The following GSDMC variants were observed in gnomAD, a reference collection of about 807,000 sequenced individuals.
GSDMC encodes the protein gasdermin-C.
A neutral mutation model predicts 58.0 loss-of-function variants in GSDMC; 59 were observed. The observed-to-expected ratio is 1.02, with a 90% CI of 0.82 to 1.26. GSDMC has a LOEUF of 1.26. Ranked by LOEUF, GSDMC falls within the 50% of genes most tolerant of loss-of-function variation. The probability of loss-of-function intolerance (pLI) is 0.00; values close to 1 mark genes in which losing one functional copy is unlikely to be tolerated. For missense variants in GSDMC, 659 were observed against 598.5 expected (o/e 1.10, Z -1.06); for synonymous variants, 241 against 220.2 (o/e 1.09, Z -0.83).
intron 3 of GSDMC, 94 bp downstream of exon 3, chr8:129,776,008 C>A (rs1318133048): frequency 1.0e-6 from 1 of 966,596 alleles, no homozygotes; most frequent in African/African-American, 1.6e-5. Flanking sequence ...GATTTTCATC[C>A]CTACAACAAG....
the GSDMC span, chr8:129,728,613 C>T: frequency 0.32 from 67,042 of 212,496 alleles, 15,043 homozygotes; most frequent in African/African-American, 0.66. Context: ...ATGCATTCCA[C>T]GAATCAGTTC....
At chr8:129,734,819 C>A in the GSDMC span, among the ~76,000 whole-genome samples, 5 of 152,078 alleles carry the variant, frequency 3.3e-5, no homozygotes, top group African/African-American at 1.2e-4. Flanking sequence ...AAAATATTAA[C>A]CTTAAATGTA....
intron 1 of GSDMC, among the ~76,000 whole-genome samples, chr8:129,782,914 C>A (rs934100099): frequency 6.6e-6 from 1 of 150,492 alleles, no homozygotes; most frequent in African/African-American, 2.4e-5. Flanking sequence ...AAAAAAAAAA[C>A]TACAAGCCAA....
the GSDMC span, among the ~76,000 whole-genome samples, chr8:129,720,344 T>C: frequency 6.6e-6 from 1 of 152,212 alleles, no homozygotes; most frequent in Non-Finnish European, 1.5e-5. Flanking sequence ...AATTTGAGTA[T>C]GTACAATGTC....
chr8:129,741,129 C>G, the GSDMC span, among the ~76,000 whole-genome samples: 1 of 152,028 alleles, frequency 6.6e-6, no homozygotes, highest in African/African-American at 2.4e-5. Context: ...ATTCTTGGCA[C>G]TTTTGTTGAA....
At position 129,785,825 on chromosome 8, in the gene GSDMC, G is replaced by A. The variant is rs546565682; in HGVS notation, c.-5+186C>T. On this transcript the variant is annotated intron_variant, in intron 1 of 13. Coordinates refer to ENST00000276708, the MANE Select transcript of GSDMC (RefSeq NM_031415.3). The stretch of plus-strand genomic sequence containing the variant: ...TGGACCTGTGCAATAATGTATCGAA[G>A]ATATATTCCTTAGCCTTACATGCTA... Among the ~76,000 whole-genome samples the A allele has an allele frequency of 2.9e-4, 44 of 151,896 alleles. No individual in the cohort carries two copies. The East Asian group carries it at 8.3e-3, about 29-fold the overall frequency.
chr8:129,777,478 A>G lies in GSDMC; in HGVS notation c.110T>C (p.Val37Ala). The G allele has an allele frequency of 1.2e-6, 2 of 1,613,012 alleles. No individual in the cohort carries two copies. The highest frequency in any genetic ancestry group is 1.7e-6 in the Non-Finnish European group (2 of 1,178,976). Residue 37 changes from valine (V) to alanine (A), a missense_variant, in exon 2 of 14, where the codon GTT becomes GCT. Coordinates refer to ENST00000276708, the MANE Select transcript of GSDMC (RefSeq NM_031415.3). The part of the protein sequence containing the change: ...LLSATKLRQF[V>A]ILRKKKDSRS... ...AGAATCCTTCTTCTTTCGTAATATA[A>G]CAAACTGACGTAATTTGGTGGCACT...
the GSDMC span, among the ~76,000 whole-genome samples, chr8:129,740,700 C>T: frequency 2.0e-5 from 3 of 152,142 alleles, no homozygotes; most frequent in African/African-American, 7.2e-5. Context: ...GTAGCTCCAT[C>T]ATTAAGCAAC....
At chr8:129,765,519 C>A (rs985872972) in intron 4 of GSDMC, 109 bp downstream of exon 4, 5 of 801,992 alleles carry the variant, frequency 6.2e-6, no homozygotes, top group Non-Finnish European at 1.1e-5. Flanking sequence ...GACTCCATCC[C>A]TTGTAATCCC....
chr8:129,738,198 A>C, the GSDMC span, among the ~76,000 whole-genome samples: 1 of 152,238 alleles, frequency 6.6e-6, no homozygotes, highest in Non-Finnish European at 1.5e-5. Context: ...GAGAAATAGG[A>C]ACACTTTTAC....
the GSDMC span, among the ~76,000 whole-genome samples, chr8:129,732,112 T>G: frequency 6.6e-6 from 1 of 152,100 alleles, no homozygotes; most frequent in African/African-American, 2.4e-5. Context: ...CAAGGGGTTC[T>G]CTCTCAGGAC....
the GSDMC span, among the ~76,000 whole-genome samples, chr8:129,738,165 C>T: frequency 3.9e-5 from 6 of 152,156 alleles, no homozygotes; most frequent in African/African-American, 1.4e-4. Flanking sequence ...AGTCAGGAAA[C>T]AATAGATGCT....
chr8:129,743,712 C>A (rs775539975), downstream of GSDMC, among the ~76,000 whole-genome samples: 1 of 152,178 alleles, frequency 6.6e-6, no homozygotes, highest in Non-Finnish European at 1.5e-5. Flanking sequence ...TAGCTGGCAA[C>A]TAGTTATATG....
downstream of GSDMC, among the ~76,000 whole-genome samples, chr8:129,747,855 T>C (rs1440598594): frequency 6.6e-6 from 1 of 151,906 alleles, no homozygotes; most frequent in Admixed American, 6.6e-5. Context: ...GGAGGCGAGG[T>C]GGCATTAGCA....
At chr8:129,767,957 C>T (rs2033923444) in intron 3 of GSDMC, among the ~76,000 whole-genome samples, 1 of 152,072 alleles carries the variant, frequency 6.6e-6, no homozygotes, top group African/African-American at 2.4e-5. Flanking sequence ...ATTGTGGGGT[C>T]CAGCCAGTGG....
chr8:129,742,388 C>T, the GSDMC span, among the ~76,000 whole-genome samples: 2 of 152,026 alleles, frequency 1.3e-5, no homozygotes. Flanking sequence ...TAAAAATATA[C>T]AATTATGATT....
intron 4 of GSDMC, among the ~76,000 whole-genome samples, chr8:129,764,221 A>C (rs2033777983): frequency 1.3e-5 from 2 of 152,030 alleles, no homozygotes; most frequent in Non-Finnish European, 2.9e-5. Flanking sequence ...GAAGCATGAA[A>C]GCTGTTAAAT....
intron 1 of GSDMC, among the ~76,000 whole-genome samples, chr8:129,780,010 T>G (rs1054673415): frequency 6.6e-6 from 1 of 152,252 alleles, no homozygotes; most frequent in South Asian, 2.1e-4. Context: ...CATCTCTTAA[T>G]AACAGAATTG....
chr8:129,724,127 G>A, the GSDMC span, among the ~76,000 whole-genome samples: 1 of 152,168 alleles, frequency 6.6e-6, no homozygotes, highest in African/African-American at 2.4e-5. Flanking sequence ...TCTATGGAGA[G>A]ACCACATGGT....
Sources: gnomAD v4.1 joint callset for allele counts (sites outside exome capture counted in the v4.1 genomes callset) on GRCh38, gnomAD v4.1.1 for gene constraint, MANE v1.5 for transcripts, NCBI Gene and HGNC (gene_info 2026-07-23, HGNC 2026-07-21) for gene names.